Variants in NFKB1 observed in about 807,000 individuals in gnomAD.
The protein encoded by NFKB1 is nuclear factor kappa B subunit 1.
In NFKB1, 9 loss-of-function variants were observed where a neutral mutation model predicts 105.1. The observed-to-expected ratio is 0.09, with a 90% CI of 0.05 to 0.15. NFKB1 has a LOEUF of 0.15. NFKB1 is among the 10% of genes least tolerant of loss of function. The pLI, the probability that NFKB1 is intolerant of heterozygous loss-of-function variation, is 1.00. For missense variants in NFKB1, 830 were observed against 1,203.7 expected, an observed-to-expected ratio of 0.69 and a Z score of 4.59; for synonymous variants, 440 against 442.2, an observed-to-expected ratio of 1.00 and a Z score of 0.06.
chr4:102,605,486 A>T (rs917138184), intron 16 of NFKB1, among the ~76,000 whole-genome samples: 1 of 152,236 alleles, frequency 6.6e-6, no homozygotes, highest in Non-Finnish European at 1.5e-5. Flanking sequence ...TGGATGTCAT[A>T]GTTAGGCTCC....
chr4:102,517,508 CA>C (rs1424119652), intron 1 of NFKB1, among the ~76,000 whole-genome samples: 2 of 152,064 alleles, frequency 1.3e-5, no homozygotes, highest in Non-Finnish European at 2.9e-5. Flanking sequence ...TTTGCCAATA[CA>C]AAAAAGCAAA....
intron 23 of NFKB1, 131 bp from the exon 24 acceptor site, chr4:102,616,303 T>A: frequency 1.1e-6 from 1 of 921,368 alleles, no homozygotes; most frequent in Non-Finnish European, 1.7e-6. Flanking sequence ...TGAGCAGTCA[T>A]GACAGTGAGG....
intron 13 of NFKB1, 112 bp downstream of exon 13, chr4:102,595,093 G>C: frequency 1.6e-6 from 1 of 626,550 alleles, no homozygotes; most frequent in South Asian, 2.4e-5. Flanking sequence ...ACAAATAATT[G>C]ATGAATGCAA....
chr4:102,509,238 C>T (rs1054544942), intron 1 of NFKB1, among the ~76,000 whole-genome samples: 8 of 152,148 alleles, frequency 5.3e-5, no homozygotes, highest in South Asian at 2.1e-4. Context: ...TATATTTACT[C>T]GATTTCCCAT....
chr4:102,609,342 T>G (rs1162485930), intron 19 of NFKB1, among the ~76,000 whole-genome samples: 5 of 152,046 alleles, frequency 3.3e-5, no homozygotes, highest in Non-Finnish European at 7.4e-5. Flanking sequence ...CCGAGTGTGG[T>G]GGCTCACACC....
intron 4 of NFKB1, 115 bp downstream of exon 4, chr4:102,534,000 C>A: frequency 3.5e-6 from 3 of 851,984 alleles, no homozygotes; most frequent in Non-Finnish European, 5.6e-6. Context: ...TCTGAAAGAT[C>A]AACAACCTGA....
rs6836486 is a variant in NFKB1, at chr4:102,540,950, T to C, written c.258+2994T>C. Among the ~76,000 whole-genome samples the C allele has an allele frequency of 2.3e-3, 354 of 152,268 alleles. 1 individual carries two copies. The highest frequency in any genetic ancestry group is 8.3e-3 in the African/African-American group (347 of 41,560). On this transcript the variant is annotated intron_variant, in intron 5 of 23. Transcript: ENST00000226574. ...TTTCTAATCAGGAAGACCTTTAAAA[T>C]TGTGCATGTCTTTTCTGTGGTACTT... is the stretch of plus-strand genomic sequence containing the variant.
intron 23 of NFKB1, 53 bp downstream of exon 23, chr4:102,613,634 G>T: frequency 1.3e-6 from 2 of 1,569,060 alleles, no homozygotes; most frequent in Non-Finnish European, 1.7e-6. Flanking sequence ...CCCCAGGCTG[G>T]TGTCTTCAGC....
chr4:102,514,251 T>A (rs560429893), intron 1 of NFKB1, among the ~76,000 whole-genome samples: 1 of 152,054 alleles, frequency 6.6e-6, no homozygotes, highest in South Asian at 2.1e-4. Flanking sequence ...ACACACTAGG[T>A]TCTTTTGATT....
chr4:102,514,293 T>TCCTACCTACCTATATCAAA (rs1159705922), intron 1 of NFKB1, among the ~76,000 whole-genome samples: 4 of 152,210 alleles, frequency 2.6e-5, no homozygotes, highest in African/African-American at 9.7e-5. Context: ...TCTATATCTT[T>TCCTACCTACCTATATCAAA]CCTACCATGG....
intron 9 of NFKB1, 45 bp downstream of exon 9, chr4:102,580,684 A>G (rs1464719911): frequency 1.6e-5 from 23 of 1,464,744 alleles, no homozygotes; most frequent in Non-Finnish European, 2.2e-5. Context: ...TGTGATCTTG[A>G]CACACTACAG....
chr4:102,507,630 C>T (rs150282682), intron 1 of NFKB1, among the ~76,000 whole-genome samples: 43 of 152,108 alleles, frequency 2.8e-4, no homozygotes, highest in South Asian at 8.3e-4. Flanking sequence ...AAATGAGGCT[C>T]ACTAATATTT....
At chr4:102,601,463 T>TA (rs1189244688) in intron 16 of NFKB1, among the ~76,000 whole-genome samples, 28 of 152,120 alleles carry the variant, frequency 1.8e-4, no homozygotes, top group Admixed American at 1.8e-3. Flanking sequence ...ACAGAAAGGT[T>TA]AAAAGTTTGC....
rs529627296 is a variant in NFKB1, at chr4:102,523,862, C to A, written c.-7-1650C>A. On this transcript the variant is annotated intron_variant, in intron 1 of 23. Coordinates refer to ENST00000226574, the MANE Select transcript of NFKB1 (RefSeq NM_003998.4). ...GACATTGCACTGGTGAGCATTTGGT[C>A]AGATGGCCATCTCTAACTCCAACGA... Among the ~76,000 whole-genome samples the A allele has an allele frequency of 2.6e-5, 4 of 152,224 alleles. No individual in the cohort carries two copies. The South Asian group carries it at 6.2e-4, about 24-fold the overall frequency.
chr4:102,571,417 G>A lies in NFKB1; in HGVS notation c.407+4282G>A, dbSNP rs185390843. On this transcript the variant is annotated intron_variant, in intron 6 of 23. Transcript: ENST00000226574. ...CTAGGCAATACCATTCAGCACATGGGCATGGGCAAAGACTTCATGACTAAA... is the reference window on the plus strand; with the variant it reads ...CTAGGCAATACCATTCAGCACATGGACATGGGCAAAGACTTCATGACTAAA... Among the ~76,000 whole-genome samples, 8 of 152,262 alleles carry A rather than the reference G, an allele frequency of 5.3e-5. No homozygotes were observed. The East Asian group carries it at 9.6e-4, about 18-fold the overall frequency.
Position 102,554,321 on chromosome 4 carries a change from A to G in NFKB1, c.259-12666A>G, listed in dbSNP as rs534683162. Among the ~76,000 whole-genome samples the G allele has an allele frequency of 2.0e-5, 3 of 152,338 alleles. No individual in the cohort carries two copies. In the South Asian group the frequency reaches 6.2e-4, roughly 32 times the overall value. On this transcript the variant is annotated intron_variant, in intron 5 of 23. Coordinates refer to ENST00000226574, the MANE Select transcript of NFKB1 (RefSeq NM_003998.4). ...ATAAATAAATAAGAAGTTAAAACAT[A>G]TTTGAGAAAGGTAAGCTTAATATGC...
intron 11 of NFKB1, among the ~76,000 whole-genome samples, chr4:102,590,706 T>G (rs1299083015): frequency 6.6e-6 from 1 of 152,198 alleles, no homozygotes; most frequent in Non-Finnish European, 1.5e-5. Context: ...CTCCTCAGGC[T>G]TCCCTATTCC....
intron 15 of NFKB1, among the ~76,000 whole-genome samples, chr4:102,598,951 A>G (rs1289964236): frequency 3.3e-5 from 5 of 152,246 alleles, no homozygotes; most frequent in African/African-American, 1.2e-4. Flanking sequence ...GATCCTCATA[A>G]GAGCATAGGT....
intron 11 of NFKB1, among the ~76,000 whole-genome samples, chr4:102,585,937 A>G (rs554188047): frequency 3.3e-5 from 5 of 152,294 alleles, no homozygotes; most frequent in Admixed American, 1.3e-4. Context: ...ATGAAGGCCA[A>G]TGTGGGTAAG....
Sources: allele counts gnomAD v4.1 joint callset (sites outside exome capture counted in the v4.1 genomes callset), GRCh38; gene constraint gnomAD v4.1.1; transcripts MANE v1.5; gene names NCBI Gene and HGNC (gene_info 2026-07-23, HGNC 2026-07-21).